Variants in EFEMP1 observed in about 807,000 individuals in gnomAD.
EFEMP1 encodes the protein EGF-like fibulin extracellular matrix protein 1.
Under a neutral mutation model 65.7 loss-of-function variants are expected in EFEMP1, and 18 were observed. That is an observed-to-expected ratio of 0.27 (90% CI 0.19 to 0.41). The LOEUF is 0.41. Among genes scored for constraint, EFEMP1 ranks in the 10% least tolerant of loss-of-function variants. The pLI is 1.00. For synonymous variants in EFEMP1, 237 were observed against 219.7 expected, an observed-to-expected ratio of 1.08 and a Z score of -0.70; for missense variants, 469 against 624.8, an observed-to-expected ratio of 0.75 and a Z score of 2.66.
intron 5 of EFEMP1, among the ~76,000 whole-genome samples, chr2:55,910,447 T>G (rs909963481): frequency 6.6e-6 from 1 of 152,222 alleles, no homozygotes; most frequent in Admixed American, 6.5e-5. Flanking sequence ...TGGGAAAATT[T>G]TTGTTTACTC....
Position 55,886,886 on chromosome 2 carries a change from T to C in EFEMP1, c.518-5152A>G, listed in dbSNP as rs960011861. ...TGTTTTACTCATCCAGTATTTGCTA[T>C]TGATAATGATAACCTGAGTAATTAA... is the stretch of plus-strand genomic sequence containing the variant. On this transcript the variant is annotated intron_variant, in intron 5 of 11. Transcript: ENST00000355426. This position sits in a 1 kb window ranked among gnomAD's most constrained non-coding sequence, Gnocchi z 4.0. Among the ~76,000 whole-genome samples the C allele has an allele frequency of 2.6e-5, 4 of 152,178 alleles. No homozygotes were observed. The highest frequency in any genetic ancestry group is 9.7e-5 in the African/African-American group (4 of 41,446).
At chr2:55,896,839 C>A (rs1380670324) in intron 5 of EFEMP1, among the ~76,000 whole-genome samples, 1 of 152,206 alleles carries the variant, frequency 6.6e-6, no homozygotes, top group Non-Finnish European at 1.5e-5. Flanking sequence ...TTACATCACT[C>A]CTTACCACCT....
At chr2:55,907,897 T>C (rs4318427) in intron 5 of EFEMP1, among the ~76,000 whole-genome samples, 8,976 of 152,290 alleles carry the variant, frequency 0.059, 389 homozygotes, top group South Asian at 0.17. Flanking sequence ...GTCATGATTC[T>C]CATTTTAACT....
chr2:55,919,550 A>G lies in EFEMP1; in HGVS notation c.82-1283T>C, dbSNP rs1670842185. Among the ~76,000 whole-genome samples the G allele has an allele frequency of 6.6e-6, 1 of 152,252 alleles. No individual in the cohort carries two copies. The highest frequency in any genetic ancestry group is 6.5e-5 in the Admixed American group (1 of 15,286). Reference sequence around the variant, plus strand: ...CAATCTGATCAGACGCTCATTTGAGAAAGTCACTGTAAGGAAGAAGCCCAA... The same window carrying G: ...CAATCTGATCAGACGCTCATTTGAGGAAGTCACTGTAAGGAAGAAGCCCAA... On this transcript the variant is annotated intron_variant, in intron 3 of 11. Coordinates refer to ENST00000355426, the MANE Select transcript of EFEMP1 (RefSeq NM_001039348.3). The surrounding 1 kb of genome is among the most constrained non-coding windows in gnomAD (Gnocchi z 4.5).
rs369628310 is a variant in EFEMP1, at chr2:55,921,455, C to G, written c.81+905G>C. On this transcript the variant is annotated intron_variant, in intron 3 of 11. Coordinates refer to ENST00000355426, the MANE Select transcript of EFEMP1 (RefSeq NM_001039348.3). This position sits in a 1 kb window ranked among gnomAD's most constrained non-coding sequence, Gnocchi z 4.1. ...TTTTCAAAAATTTTTCACATTCTTT[C>G]GAGTAGGATTACTTAATTTTAAACT... 6.6e-6 allele frequency among the ~76,000 whole-genome samples: 1 copy of G among 152,124 alleles called. No individual in the cohort carries two copies. The highest frequency in any genetic ancestry group is 2.1e-4 in the South Asian group (1 of 4,818).
chr2:55,922,157 T>C lies in EFEMP1; in HGVS notation c.81+203A>G. The C allele has an allele frequency of 1.8e-6, 1 of 564,062 alleles. No individual in the cohort carries two copies. Among genetic ancestry groups the C allele is most frequent in the East Asian group, 3.4e-5 (1 of 29,828 alleles). 34.9% of individuals were successfully genotyped at this position (564,062 alleles called of 1,614,324 possible). ...AATGATTACATGTTGGTTCCTATCT[T>C]AGGTGGTGAGCCCAATGAACTTTTG... On this transcript the variant is annotated intron_variant, in intron 3 of 11. Coordinates refer to ENST00000355426, the MANE Select transcript of EFEMP1 (RefSeq NM_001039348.3). The surrounding 1 kb of genome is among the most constrained non-coding windows in gnomAD (Gnocchi z 5.5).
chr2:55,888,294 A>T (rs562210258), intron 5 of EFEMP1, among the ~76,000 whole-genome samples: 77 of 146,456 alleles, frequency 5.3e-4, no homozygotes, highest in African/African-American at 1.9e-3. Context: ...CTTTGTGAGT[A>T]TGTCATACCC....
At chr2:55,878,011 T>A in intron 6 of EFEMP1, 146 bp from the exon 7 acceptor site, 1 of 972,452 alleles carries the variant, frequency 1.0e-6, no homozygotes. Flanking sequence ...ATATGTATTT[T>A]AAATATACTT....
chr2:55,891,465 C>A (rs1669623507), intron 5 of EFEMP1, among the ~76,000 whole-genome samples: 1 of 152,090 alleles, frequency 6.6e-6, no homozygotes, highest in Non-Finnish European at 1.5e-5. Flanking sequence ...AATTGAAAAA[C>A]AGATGCTGCA....
At chr2:55,913,353 C>A (rs1670553620) in intron 5 of EFEMP1, among the ~76,000 whole-genome samples, 2 of 151,950 alleles carry the variant, frequency 1.3e-5, no homozygotes, top group South Asian at 4.2e-4. Flanking sequence ...ACAACATAAG[C>A]CAGGTACTGT....
chr2:55,894,984 T>C (rs1377391393), intron 5 of EFEMP1, among the ~76,000 whole-genome samples: 1 of 152,222 alleles, frequency 6.6e-6, no homozygotes, highest in Non-Finnish European at 1.5e-5. Flanking sequence ...CCTGAGACCA[T>C]TCTTCCAACT....
chr2:55,881,805 T>G (rs1669253796), intron 5 of EFEMP1, 71 bp from the exon 6 acceptor site: 6 of 1,583,962 alleles, frequency 3.8e-6, no homozygotes, highest in Non-Finnish European at 4.3e-6. Flanking sequence ...ATTTTGCCAC[T>G]TCTTAAGCTA....
Position 55,923,084 on chromosome 2 carries a change from C to A in EFEMP1, c.-48-145G>T, listed in dbSNP as rs982418001. 6 of 482,646 alleles carry A rather than the reference C, an allele frequency of 1.2e-5. No individual in the cohort carries two copies. Among genetic ancestry groups the A allele is most frequent in the Non-Finnish European group, 1.6e-5 (6 of 368,980 alleles). The allele number at this position is 482,646 out of a possible 1,614,324, so 29.9% of individuals were successfully genotyped here. On this transcript the variant is annotated intron_variant, in intron 1 of 11. Coordinates refer to ENST00000355426, the MANE Select transcript of EFEMP1 (RefSeq NM_001039348.3). The surrounding 1 kb of genome is among the most constrained non-coding windows in gnomAD (Gnocchi z 5.3). ...TCAGAGCTTCTCACATCCCCCAGCA[C>A]AAACTCTCAAAGTGGCATTTCCACG...
chr2:55,874,484 T>A (rs1014752602), intron 9 of EFEMP1, among the ~76,000 whole-genome samples: 6 of 152,126 alleles, frequency 3.9e-5, no homozygotes, highest in African/African-American at 1.4e-4. Flanking sequence ...AATATTCAAC[T>A]ATATTTTACA....
At chr2:55,920,312 A>G (rs1670868918) in intron 3 of EFEMP1, among the ~76,000 whole-genome samples, 1 of 152,226 alleles carries the variant, frequency 6.6e-6, no homozygotes, top group Admixed American at 6.5e-5. Context: ...GGCAATTTGT[A>G]TAATCTGTAT....
intron 5 of EFEMP1, among the ~76,000 whole-genome samples, chr2:55,905,530 C>T (rs1411581929): frequency 1.3e-5 from 2 of 152,146 alleles, no homozygotes; most frequent in African/African-American, 4.8e-5. Context: ...TCACTGCAAC[C>T]TCCACCTCCC....
At position 55,922,490 on chromosome 2, in the gene EFEMP1, C is replaced by T. The variant is rs779539482; in HGVS notation, c.-7-43G>A. The T allele has an allele frequency of 1.9e-6, 3 of 1,571,544 alleles. No homozygotes were observed. Among genetic ancestry groups the T allele is most frequent in the South Asian group, 2.2e-5 (2 of 90,136 alleles). On this transcript the variant is annotated intron_variant, in intron 2 of 11. Coordinates refer to ENST00000355426, the MANE Select transcript of EFEMP1 (RefSeq NM_001039348.3). This position sits in a 1 kb window ranked among gnomAD's most constrained non-coding sequence, Gnocchi z 5.5. Reference sequence around the variant, plus strand: ...ACAAACTAATGTTTAGTATCTGCTGCGGGGAAAGTAACAAAACTTTAGCAG... The same window carrying T: ...ACAAACTAATGTTTAGTATCTGCTGTGGGGAAAGTAACAAAACTTTAGCAG...
intron 5 of EFEMP1, among the ~76,000 whole-genome samples, chr2:55,892,816 C>T (rs754853684): frequency 1.3e-4 from 20 of 152,022 alleles, no homozygotes; most frequent in Admixed American, 1.3e-3. Context: ...AAGAGAATTT[C>T]TTGGCATGAA....
chr2:55,875,180 CTATATTAAAATAATTATATA>C (rs1668980352), intron 8 of EFEMP1, 115 bp from the exon 9 acceptor site: 1 of 430,156 alleles, frequency 2.3e-6, no homozygotes, highest in African/African-American at 2.2e-5. Flanking sequence ...TTTAAAATAT[CTATATTAAAATAATTATATA>C]TAATTAAAAT....
Sources: gnomAD v4.1 joint callset for allele counts (sites outside exome capture counted in the v4.1 genomes callset) on GRCh38, gnomAD v4.1.1 for gene constraint, Gnocchi (gnomAD v3.1) non-coding constraint, MANE v1.5 for transcripts, NCBI Gene and HGNC (gene_info 2026-07-23, HGNC 2026-07-21) for gene names.